EP300: variants seen among roughly 807,000 people sequenced by gnomAD.
The protein encoded by EP300 is histone acetyltransferase p300.
EP300 carries 31 observed loss-of-function variants against 264.0 expected under a neutral mutation model. That is an observed-to-expected ratio of 0.12 (90% CI 0.09 to 0.16). The LOEUF is 0.16. EP300 is among the 10% of genes least tolerant of loss of function. The pLI is 1.00. For synonymous variants in EP300, 1,340 were observed against 1,045.4 expected (o/e 1.28, Z -5.44); for missense variants, 2,766 against 3,052.9 (o/e 0.91, Z 2.21).
chr22:41,160,467 C>A, intron 19 of EP300, 175 bp from the exon 20 acceptor site: 23 of 495,480 alleles, frequency 4.6e-5, no homozygotes, highest in East Asian at 1.7e-4. Context: ...AAAACCAAAA[C>A]CCAAACTGTG....
Position 41,172,501 on chromosome 22 carries a change from T to C in EP300, c.4455T>C (p.Asp1485=), listed in dbSNP as rs2059176550. The change falls in exon 28 of 31, where the codon GAT becomes GAC. Residue 1485 remains aspartate (D), a splice_region_variant and synonymous_variant. Transcript: ENST00000263253. ...VSERIVHDYK[D]IFKQATEDRL... ...TATGTACATGCATGTTTTCACAGGATATTTTTAAACAAGCTACTGAAGATA... is the reference window on the plus strand; with the variant it reads ...TATGTACATGCATGTTTTCACAGGACATTTTTAAACAAGCTACTGAAGATA... 26 of 1,612,306 alleles carry C rather than the reference T, an allele frequency of 1.6e-5. No homozygotes were observed. Among genetic ancestry groups the C allele is most frequent in the Non-Finnish European group, 2.1e-5 (25 of 1,178,492 alleles).
chr22:41,116,605 G>A (rs2064558), intron 1 of EP300, among the ~76,000 whole-genome samples: 92,487 of 151,848 alleles, frequency 0.61, 28,752 homozygotes, highest in East Asian at 0.81. Flanking sequence ...TATCCAGTCT[G>A]TCATTGATGG....
chr22:41,162,869 C>T (rs1293099242), intron 21 of EP300, 90 bp downstream of exon 21: 1 of 1,115,266 alleles, frequency 9.0e-7, no homozygotes, highest in Admixed American at 1.7e-5. Context: ...ATCAGATGAT[C>T]CTATATTCTT....
intron 2 of EP300, among the ~76,000 whole-genome samples, chr22:41,124,418 CTG>C (rs2058869296): frequency 6.7e-6 from 1 of 149,594 alleles, no homozygotes; most frequent in Non-Finnish European, 1.5e-5. Context: ...TTAAAAAACA[CTG>C]TCATCAGTGT....
chr22:41,098,554 G>A (rs550213424), intron 1 of EP300, among the ~76,000 whole-genome samples: 1 of 152,254 alleles, frequency 6.6e-6, no homozygotes, highest in South Asian at 2.1e-4. Context: ...TGTATTTTTA[G>A]TAGAGACGGG....
At chr22:41,169,762 C>T (rs1374588446) in intron 26 of EP300, 146 bp downstream of exon 26, 2 of 644,620 alleles carry the variant, frequency 3.1e-6, no homozygotes, top group Non-Finnish European at 5.5e-6. Context: ...TTGTTGGAGC[C>T]CCTTTGAAGT....
intron 29 of EP300, 156 bp from the exon 30 acceptor site, chr22:41,176,090 TG>T: frequency 1.3e-6 from 1 of 791,882 alleles, no homozygotes; most frequent in Non-Finnish European, 2.1e-6. Flanking sequence ...TGTGGTGGTG[TG>T]GGCCTGTGGT....
chr22:41,146,141 A>G (rs1160445660), intron 10 of EP300, among the ~76,000 whole-genome samples: 2 of 150,804 alleles, frequency 1.3e-5, no homozygotes, highest in Admixed American at 6.7e-5. Context: ...AAACAATAAC[A>G]TATTAAATGC....
At chr22:41,138,729 G>A (rs1033484957) in intron 8 of EP300, among the ~76,000 whole-genome samples, 2 of 152,134 alleles carry the variant, frequency 1.3e-5, no homozygotes, top group Non-Finnish European at 2.9e-5. Context: ...ACACCATGCA[G>A]TATTTTTTCT....
Position 41,129,873 on chromosome 22 carries a change from T to A in EP300, c.1169-17T>A, listed in dbSNP as rs567490636. The A allele has an allele frequency of 8.1e-6, 13 of 1,598,518 alleles. No homozygotes were observed. In the South Asian group the frequency reaches 1.3e-4, roughly 16 times the overall value. On this transcript the variant is annotated splice_polypyrimidine_tract_variant and intron_variant, in intron 4 of 30. Coordinates refer to ENST00000263253, the MANE Select transcript of EP300 (RefSeq NM_001429.4). ...ACATTAACCTGCTCTTGAAAAAATA[T>A]GTTTTCTTCTCTTTAGTGGCACACT... is the stretch of plus-strand genomic sequence containing the variant.
chr22:41,147,748 A>AG, intron 11 of EP300, 89 bp from the exon 12 acceptor site: 3 of 1,027,594 alleles, frequency 2.9e-6, no homozygotes, highest in Non-Finnish European at 3.0e-6. Context: ...AAAAAAAAAA[A>AG]AAGATACAGA....
chr22:41,125,268 G>A (rs1373053405), intron 2 of EP300, among the ~76,000 whole-genome samples: 1 of 151,538 alleles, frequency 6.6e-6, no homozygotes, highest in Non-Finnish European at 1.5e-5. Flanking sequence ...ACAGGCGCCC[G>A]CCACCACACC....
At chr22:41,104,357 T>C (rs2058746842) in intron 1 of EP300, among the ~76,000 whole-genome samples, 1 of 151,956 alleles carries the variant, frequency 6.6e-6, no homozygotes, top group Non-Finnish European at 1.5e-5. Context: ...TGGTGTAATC[T>C]TGGCTCACTG....
At position 41,177,149 on chromosome 22, in the gene EP300, T is replaced by C. The variant is rs1601639901; in HGVS notation, c.5438T>C (p.Leu1813Pro). ...VPFCLNIKQK[L>P]RQQQLQHRLQ... ...TTCTGCCTAAACATCAAGCAGAAGC[T>C]CCGGCAGCAACAGCTGCAGCACCGA... is the stretch of plus-strand genomic sequence containing the variant. The change falls in exon 31 of 31, where the codon CTC becomes CCC. Residue 1813 changes from leucine (L) to proline (P), a missense_variant. Coordinates refer to ENST00000263253, the MANE Select transcript of EP300 (RefSeq NM_001429.4). The C allele has an allele frequency of 6.2e-7, 1 of 1,613,810 alleles. No individual in the cohort carries two copies.
chr22:41,093,633 A>G (rs2058686554), intron 1 of EP300, among the ~76,000 whole-genome samples: 1 of 152,158 alleles, frequency 6.6e-6, no homozygotes, highest in Non-Finnish European at 1.5e-5. Flanking sequence ...AAGTTTAACA[A>G]TTCTTTTATC....
At chr22:41,170,764 C>G (rs1004318518) in intron 27 of EP300, among the ~76,000 whole-genome samples, 193 bp downstream of exon 27, 1 of 147,076 alleles carries the variant, frequency 6.8e-6, no homozygotes, top group Non-Finnish European at 1.5e-5. Flanking sequence ...TGGGTTCATG[C>G]CATTCTCCTG....
Position 41,177,889 on chromosome 22 carries a change from T to C in EP300, c.6178T>C (p.Ser2060Pro). The C allele has an allele frequency of 6.2e-7, 1 of 1,614,080 alleles. No individual in the cohort carries two copies. The highest frequency in any genetic ancestry group is 8.5e-7 in the Non-Finnish European group (1 of 1,180,008). Reference sequence around the variant, plus strand: ...ACAAAACCTTTTGCGGACTCTCAGGTCTCCCAGCTCTCCCCTGCAGCAGCA... The same window carrying C: ...ACAAAACCTTTTGCGGACTCTCAGGCCTCCCAGCTCTCCCCTGCAGCAGCA... ...ALQNLLRTLR[S>P]PSSPLQQQQV... The change falls in exon 31 of 31, where the codon TCT (serine) becomes CCT (proline). Residue 2060 changes from serine (S) to proline (P), a missense_variant. Physicochemically the swap from Ser to Pro is moderately conservative, Grantham distance 74 (BLOSUM62 -1). Coordinates refer to ENST00000263253, the MANE Select transcript of EP300 (RefSeq NM_001429.4).
intron 1 of EP300, among the ~76,000 whole-genome samples, chr22:41,116,440 C>T (rs1569089834): frequency 1.3e-5 from 2 of 152,132 alleles, no homozygotes; most frequent in East Asian, 1.9e-4. Flanking sequence ...TTAACTCCCA[C>T]TTATGAGTGA....
chr22:41,178,061 C>G lies in EP300; in HGVS notation c.6350C>G (p.Thr2117Ser), dbSNP rs2059213237. The change falls in exon 31 of 31, where the codon ACC becomes AGC. Residue 2117 changes from threonine to serine, a missense_variant. Coordinates refer to ENST00000263253, the MANE Select transcript of EP300 (RefSeq NM_001429.4). ...GGGCAGCCAGGGCTACAGCCACCTA[C>G]CATGCCAGGTCAGCAGGGGGTCCAC... The part of the protein sequence containing the change: ...PQGQPGLQPP[T>S]MPGQQGVHSN... 4 of 1,614,172 alleles carry G rather than the reference C, an allele frequency of 2.5e-6. No homozygotes were observed. The highest frequency in any genetic ancestry group is 3.4e-6 in the Non-Finnish European group (4 of 1,180,028).
Sources: gnomAD v4.1 joint callset for allele counts (sites outside exome capture counted in the v4.1 genomes callset) on GRCh38, gnomAD v4.1.1 for gene constraint, MANE v1.5 for transcripts, NCBI Gene and HGNC (gene_info 2026-07-23, HGNC 2026-07-21) for gene names.